The following ZNF3 variants were observed in gnomAD, a reference collection of about 807,000 sequenced individuals.
ZNF3 encodes C2-H2 type zinc finger protein.
In ZNF3, 16 loss-of-function variants were observed where a neutral mutation model predicts 36.9. The ratio of observed to expected loss-of-function variants is 0.43; its 90% confidence interval spans 0.29 to 0.66. The LOEUF is 0.66. Among genes scored for constraint, ZNF3 ranks in the 30% least tolerant of loss-of-function variants. The pLI is 0.13. For synonymous variants in ZNF3, 201 were observed against 201.9 expected (o/e 1.00, Z 0.04); for missense variants, 462 against 543.1 (o/e 0.85, Z 1.48).
chr7:100,065,171 T>C (rs984591746), downstream of ZNF3: 54 of 466,684 alleles, frequency 1.2e-4, no homozygotes, highest in Non-Finnish European at 2.6e-5. Context: ...CTTACGCCTG[T>C]AATCCCAGCA....
At chr7:100,064,665 A>C (rs1792547120) in exon 6 of ZNF3, 1 of 1,602,638 alleles carries the variant, frequency 6.2e-7, no homozygotes, top group Non-Finnish European at 8.5e-7. Flanking sequence ...TTAGAATCTG[A>C]AAACCAGAAA....
Position 100,071,157 on chromosome 7 carries a change from T to C in ZNF3, c.1327A>G (p.Arg443Gly). 1 of 1,593,634 alleles carries C rather than the reference T, an allele frequency of 6.3e-7. No individual in the cohort carries two copies. Among genetic ancestry groups the C allele is most frequent in the Admixed American group, 1.7e-5 (1 of 57,830 alleles). Residue 443 changes from arginine to glycine, a missense_variant, in exon 6 of 6, where the codon AGA (arginine) becomes GGA (glycine). Coordinates refer to ENST00000299667, the MANE Select transcript of ZNF3 (RefSeq NM_032924.5). ...SLRVTTELNI[R>G]EST ...GTGTGGCTCTTTCACGTGGACTCTC[T>C]GATATTTAACTCGGTCGTAACTCTG...
chr7:100,072,482 G>T (rs67091024), intron 5 of ZNF3, among the ~76,000 whole-genome samples: 41,208 of 151,978 alleles, frequency 0.27, 6,497 homozygotes, highest in Middle Eastern at 0.49. Context: ...AGGCAGAGAG[G>T]CAGGGAACCA....
chr7:100,071,917 T>A lies in ZNF3; in HGVS notation c.567A>T (p.Ser189=). Reference sequence around the variant, plus strand: ...TGTCTCCCACGGGGAGTCTCTGATGTGAGATAAGGTTGGAATTCACAGTGA... The same window carrying A: ...TGTCTCCCACGGGGAGTCTCTGATGAGAGATAAGGTTGGAATTCACAGTGA... The part of the protein sequence containing the change: ...NSFTVNSNLI[S]HQRLPVGDRP... The change falls in exon 6 of 6, where the codon TCA becomes TCT. Residue 189 remains serine (S), a synonymous_variant. Coordinates refer to ENST00000299667, the MANE Select transcript of ZNF3 (RefSeq NM_032924.5). 1 of 1,613,174 alleles carries A rather than the reference T, an allele frequency of 6.2e-7. No individual in the cohort carries two copies. The highest frequency in any genetic ancestry group is 8.5e-7 in the Non-Finnish European group (1 of 1,179,112).
At chr7:100,069,655 C>T (rs1007803880), downstream of ZNF3, among the ~76,000 whole-genome samples, 4 of 151,662 alleles carry the variant, frequency 2.6e-5, no homozygotes, top group East Asian at 1.9e-4. Flanking sequence ...CTTTTCTTGC[C>T]CAGGCTGGAG....
downstream of ZNF3, among the ~76,000 whole-genome samples, chr7:100,068,998 T>TAAA (rs1792790784): frequency 4.0e-5 from 6 of 148,974 alleles, no homozygotes; most frequent in African/African-American, 1.5e-4. Context: ...TATATATAAT[T>TAAA]TTTTTTTTTT....
intron 5 of ZNF3, among the ~76,000 whole-genome samples, chr7:100,074,905 A>T (rs896049634): frequency 1.3e-5 from 2 of 152,244 alleles, no homozygotes; most frequent in Non-Finnish European, 2.9e-5. Flanking sequence ...TACAAAAATT[A>T]GCCTGGTGTG....
chr7:100,068,445 A>G (rs1187914132), downstream of ZNF3, among the ~76,000 whole-genome samples: 2 of 151,816 alleles, frequency 1.3e-5, no homozygotes, highest in Non-Finnish European at 2.9e-5. Context: ...AGGCCGAGGC[A>G]GGCAGATCAT....
Position 100,071,974 on chromosome 7 carries a change from T to C in ZNF3, c.510A>G (p.Arg170=). 3 of 1,614,082 alleles carry C rather than the reference T, an allele frequency of 1.9e-6. No individual in the cohort carries two copies. The highest frequency in any genetic ancestry group is 2.5e-6 in the Non-Finnish European group (3 of 1,179,988). ...TCCCAAAATCATTATATTTCTCGCT[T>C]CTCTCTCCCCTGGGGGTTAGCTTCT... ...VEEKLTPRGE[R]SEKYNDFGNS... The change falls in exon 6 of 6, where the codon AGA becomes AGG. Residue 170 remains arginine, a synonymous_variant. Coordinates refer to ENST00000299667, the MANE Select transcript of ZNF3 (RefSeq NM_032924.5).
intron 2 of ZNF3, 90 bp downstream of exon 2, chr7:100,079,446 C>T (rs1794648245): frequency 6.6e-6 from 1 of 152,326 alleles, no homozygotes; most frequent in Non-Finnish European, 1.5e-5. Flanking sequence ...GGCCCTTCCC[C>T]TGCTCTGTTG....
rs1192798384 is a variant in ZNF3, at chr7:100,072,168, T to C, written c.316A>G (p.Thr106Ala). 3 of 1,598,998 alleles carry C rather than the reference T, an allele frequency of 1.9e-6. No homozygotes were observed. The East Asian group carries it at 6.7e-5, about 36-fold the overall frequency. ...TENDQEISED[T>A]RSHGVLLGRF... ...CCCAGTAGGACCCCATGTGATCTTG[T>C]GTCTTCAGAAATTTCTTGATCATTT... is the stretch of plus-strand genomic sequence containing the variant. Residue 106 changes from threonine (T) to alanine (A), a missense_variant, in exon 6 of 6, where the codon ACA becomes GCA. Coordinates refer to ENST00000299667, the MANE Select transcript of ZNF3 (RefSeq NM_032924.5).
chr7:100,069,131 AT>A (rs548497539), downstream of ZNF3, among the ~76,000 whole-genome samples: 63 of 147,290 alleles, frequency 4.3e-4, no homozygotes, highest in Non-Finnish European at 4.7e-4. Flanking sequence ...CTCAGCCCTA[AT>A]TTTTTTTTTT....
At chr7:100,077,478 C>G (rs1242762511) in intron 2 of ZNF3, 45 bp from the exon 3 acceptor site, 12 of 1,542,322 alleles carry the variant, frequency 7.8e-6, no homozygotes, top group East Asian at 4.6e-5. Flanking sequence ...TCAAAAAAAC[C>G]TCCTGAATAC....
Position 100,075,206 on chromosome 7 carries a change from C to T in ZNF3, c.200G>A (p.Arg67His), listed in dbSNP as rs748182814. 6.2e-6 allele frequency: 10 copies of T among 1,614,068 alleles called. No homozygotes were observed. Among genetic ancestry groups the T allele is most frequent in the Non-Finnish European group, 2.5e-6 (3 of 1,180,044 alleles). Reference protein sequence around the residue: ...AVYFIRKEWKRLEPAQRDLYR... With the variant: ...AVYFIRKEWKHLEPAQRDLYR... ...GAGGTCCCTCTGAGCAGGTTCCAAA[C>T]GCTTCCACTCCTTCCGGATGAAGTA... The change falls in exon 5 of 6, where the codon CGT becomes CAT. Residue 67 changes from arginine to histidine, a missense_variant. Transcript: ENST00000299667.
intron 2 of ZNF3, chr7:100,079,156 A>C (rs974311944): frequency 7.2e-5 from 11 of 152,370 alleles, no homozygotes; most frequent in African/African-American, 2.6e-4. Flanking sequence ...TCTCAGAGCC[A>C]ACCATCATAT....
In ZNF3 at chr7:100,071,799, C is replaced by A; in HGVS notation, c.685G>T (p.Glu229Ter). 1 of 1,613,802 alleles carries A rather than the reference C, an allele frequency of 6.2e-7. No homozygotes were observed. Among genetic ancestry groups the A allele is most frequent in the Non-Finnish European group, 8.5e-7 (1 of 1,179,770 alleles). The change falls in exon 6 of 6, where the codon GAA becomes TAA. Residue 229 changes from glutamate to a stop codon, truncating the protein, a stop_gained. Transcript: ENST00000299667. LOFTEE classifies it high-confidence loss of function. ...QRIHTGEKPY[E>*]CNECGKAFSQ... is the part of the protein sequence containing the mutation. ...AAGGCCTTCCCACACTCATTACATT[C>A]ATAGGGCTTTTCCCCAGTGTGGATT...
intron 3 of ZNF3, 25 bp downstream of exon 3, chr7:100,077,278 G>A: frequency 1.2e-6 from 2 of 1,613,632 alleles, no homozygotes; most frequent in Non-Finnish European, 1.7e-6. Context: ...CTGAGTAAAA[G>A]AATGAATGAG....
downstream of ZNF3, among the ~76,000 whole-genome samples, chr7:100,065,852 G>A (rs1284427958): frequency 6.7e-6 from 1 of 148,680 alleles, no homozygotes; most frequent in African/African-American, 2.5e-5. Context: ...ATGGATTTGG[G>A]CCAGGACTCC....
At chr7:100,073,338 T>C (rs1046476220) in intron 5 of ZNF3, among the ~76,000 whole-genome samples, 1 of 152,106 alleles carries the variant, frequency 6.6e-6, no homozygotes, top group African/African-American at 2.4e-5. Context: ...AACTAATTTA[T>C]TAATCTTTCT....
Sources: allele counts gnomAD v4.1 joint callset (sites outside exome capture counted in the v4.1 genomes callset), GRCh38; gene constraint gnomAD v4.1.1; transcripts MANE v1.5; gene names NCBI Gene and HGNC (gene_info 2026-07-23, HGNC 2026-07-21).